Variants in NRXN3 observed in about 807,000 individuals in gnomAD.
NRXN3 encodes the protein neurexin 3, also known as neurexin III.
NRXN3 carries 32 observed loss-of-function variants against 137.6 expected under a neutral mutation model. That is an observed-to-expected ratio of 0.23 (90% CI 0.18 to 0.31). The LOEUF is 0.31. Among genes scored for constraint, NRXN3 ranks in the 10% least tolerant of loss-of-function variants. The pLI is 1.00. For synonymous variants in NRXN3, 798 were observed against 784.5 expected (o/e 1.02, Z -0.29); for missense variants, 1,574 against 2,062.5 (o/e 0.76, Z 4.59).
intron 15 of NRXN3, among the ~76,000 whole-genome samples, chr14:79,117,901 C>G (rs1318688680): frequency 1.3e-5 from 2 of 152,184 alleles, no homozygotes; most frequent in Admixed American, 6.5e-5. Context: ...AAATGATACT[C>G]AAGCCTGAGT....
chr14:79,148,932 C>T (rs1170314857), intron 15 of NRXN3, among the ~76,000 whole-genome samples: 3 of 152,018 alleles, frequency 2.0e-5, no homozygotes, highest in Admixed American at 6.6e-5. Flanking sequence ...TAAAGTCCAC[C>T]ATATCCAAAT....
At chr14:78,984,131 T>C (rs2099496878) in intron 14 of NRXN3, among the ~76,000 whole-genome samples, 1 of 152,090 alleles carries the variant, frequency 6.6e-6, no homozygotes, top group East Asian at 1.9e-4. Flanking sequence ...ACAAGAGGAA[T>C]AGGCTTTGGT....
intron 2 of NRXN3, among the ~76,000 whole-genome samples, chr14:78,266,787 A>T (rs1281491960): frequency 6.6e-6 from 1 of 152,156 alleles, no homozygotes; most frequent in Non-Finnish European, 1.5e-5. Flanking sequence ...TCCTTACTTT[A>T]CAAAGAAGAA....
chr14:78,620,338 T>C (rs992527373), intron 4 of NRXN3, among the ~76,000 whole-genome samples: 3 of 152,228 alleles, frequency 2.0e-5, no homozygotes, highest in Non-Finnish European at 2.9e-5. Context: ...CTTAGCTGCA[T>C]GCAGATAATG....
chr14:78,554,967 A>G (rs2096724939), intron 4 of NRXN3, among the ~76,000 whole-genome samples: 1 of 152,040 alleles, frequency 6.6e-6, no homozygotes, highest in African/African-American at 2.4e-5. Context: ...GCAACATAGA[A>G]CAGTCGAGAG....
chr14:79,849,724 C>T (rs895333038), intron 20 of NRXN3, among the ~76,000 whole-genome samples: 11 of 152,138 alleles, frequency 7.2e-5, no homozygotes, highest in Non-Finnish European at 1.6e-4. Flanking sequence ...ATGGAATTGC[C>T]ATATAACCCA....
chr14:79,398,788 T>A (rs1395297459), intron 15 of NRXN3, among the ~76,000 whole-genome samples: 3 of 151,946 alleles, frequency 2.0e-5, no homozygotes, highest in Admixed American at 6.6e-5. Context: ...GTCAGGCAGA[T>A]CACCTGAGGT....
intron 16 of NRXN3, among the ~76,000 whole-genome samples, chr14:79,523,972 G>A (rs1160652937): frequency 6.6e-6 from 1 of 152,136 alleles, no homozygotes; most frequent in African/African-American, 2.4e-5. Context: ...GTTGCTGTAG[G>A]AGCTTTTTCT....
chr14:79,318,859 T>A, intron 15 of NRXN3, among the ~76,000 whole-genome samples: 1 of 152,232 alleles, frequency 6.6e-6, no homozygotes, highest in East Asian at 1.9e-4. Flanking sequence ...TCTTGCCTCA[T>A]TACTCCCATT....
At chr14:78,185,617 C>T (rs2060166541) in intron 1 of NRXN3, among the ~76,000 whole-genome samples, 1 of 152,172 alleles carries the variant, frequency 6.6e-6, no homozygotes, top group African/African-American at 2.4e-5. Context: ...AGTAAAATTT[C>T]AGGTGATGGA....
At chr14:78,530,540 C>T (rs938224353) in intron 4 of NRXN3, among the ~76,000 whole-genome samples, 1 of 152,190 alleles carries the variant, frequency 6.6e-6, no homozygotes, top group Non-Finnish European at 1.5e-5. Flanking sequence ...AACAGGGGAA[C>T]CACCAGTGCC....
intron 15 of NRXN3, among the ~76,000 whole-genome samples, chr14:79,029,320 T>A (rs1476837379): frequency 1.3e-5 from 2 of 152,118 alleles, no homozygotes; most frequent in African/African-American, 4.8e-5. Flanking sequence ...ATAATAATAC[T>A]GGTTCTGATT....
At chr14:78,709,801 T>G (rs1408731732) in intron 7 of NRXN3, 146 bp downstream of exon 7, 1 of 714,700 alleles carries the variant, frequency 1.4e-6, no homozygotes, top group Non-Finnish European at 2.3e-6. Flanking sequence ...TAAAATTATG[T>G]TTCTGAAAAG....
At chr14:78,302,667 T>A (rs2076990484) in intron 4 of NRXN3, among the ~76,000 whole-genome samples, 1 of 152,206 alleles carries the variant, frequency 6.6e-6, no homozygotes, top group African/African-American at 2.4e-5. Context: ...GGGCTCAAAG[T>A]CAACCTTCAT....
chr14:78,843,234 C>G lies in NRXN3; in HGVS notation c.2275+32890C>G, dbSNP rs537500170. Among the ~76,000 whole-genome samples, 102 of 152,242 alleles carry G rather than the reference C, an allele frequency of 6.7e-4. 2 individuals are homozygous for G. In the South Asian group the frequency reaches 0.02, roughly 30 times the overall value. On this transcript the variant is annotated intron_variant, in intron 10 of 20. Coordinates refer to ENST00000335750, the MANE Select transcript of NRXN3 (RefSeq NM_001330195.2). The stretch of plus-strand genomic sequence containing the variant: ...TAAATGTCCATGAAATCTTCACAAT[C>G]CACATTCTTCTGCCATGGCTTCAGC...
intron 16 of NRXN3, among the ~76,000 whole-genome samples, chr14:79,483,440 A>G (rs1243096733): frequency 1.3e-5 from 2 of 152,230 alleles, no homozygotes; most frequent in African/African-American, 2.4e-5. Context: ...GTGGTGTCCC[A>G]GCACTTTGGG....
chr14:78,574,968 TCAAGGGTGGGA>T (rs1172498317), intron 4 of NRXN3, among the ~76,000 whole-genome samples: 7 of 152,202 alleles, frequency 4.6e-5, no homozygotes, highest in Non-Finnish European at 8.8e-5. Context: ...TTCCCACATG[TCAAGGGTGGGA>T]CCAGGTGGAG....
chr14:78,511,137 AAAC>A (rs1174011366), intron 4 of NRXN3, among the ~76,000 whole-genome samples: 7 of 152,300 alleles, frequency 4.6e-5, no homozygotes, highest in South Asian at 2.1e-4. Context: ...CTAAAAAAGA[AAAC>A]AACAACAACA....
chr14:78,827,743 C>T (rs912026156), intron 10 of NRXN3, among the ~76,000 whole-genome samples: 1 of 152,344 alleles, frequency 6.6e-6, no homozygotes, highest in East Asian at 1.9e-4. Flanking sequence ...ACATGCTGAG[C>T]TACTCAGCTG....
Sources: gnomAD v4.1 joint callset for allele counts (sites outside exome capture counted in the v4.1 genomes callset) on GRCh38, gnomAD v4.1.1 for gene constraint, MANE v1.5 for transcripts, NCBI Gene and HGNC (gene_info 2026-07-23, HGNC 2026-07-21) for gene names.